The following HDAC9 variants were observed in gnomAD, a reference collection of about 807,000 sequenced individuals.
The protein encoded by HDAC9 is MEF-2 interacting transcription repressor (MITR) protein.
In HDAC9, 41 loss-of-function variants were observed where a neutral mutation model predicts 139.4. The ratio of observed to expected loss-of-function variants is 0.29; its 90% CI spans 0.23 to 0.38. The LOEUF (loss-of-function observed/expected upper bound fraction) is 0.38, where lower values mean the gene tolerates loss of function less well. HDAC9 is among the 10% of genes least tolerant of loss of function. The probability of loss-of-function intolerance (pLI) is 1.00; values close to 1 mark genes in which losing one functional copy is unlikely to be tolerated. For synonymous variants in HDAC9, 517 were observed against 476.2 expected, an observed-to-expected ratio of 1.09 and a Z score of -1.12; for missense variants, 1,147 against 1,297.0, an observed-to-expected ratio of 0.88 and a Z score of 1.78.
At chr7:18,138,447 G>T (rs1175279260) in intron 1 of HDAC9, among the ~76,000 whole-genome samples, 1 of 152,048 alleles carries the variant, frequency 6.6e-6, no homozygotes, top group East Asian at 1.9e-4. Flanking sequence ...TGGAGGGAGT[G>T]TGGAATAGAG....
chr7:18,517,251 C>T (rs907832936), intron 2 of HDAC9, among the ~76,000 whole-genome samples: 4 of 152,148 alleles, frequency 2.6e-5, no homozygotes, highest in Non-Finnish European at 4.4e-5. Flanking sequence ...TTGTGACTGC[C>T]TCATTTCACG....
At chr7:18,983,941 C>T (rs1785123183) in intron 25 of HDAC9, among the ~76,000 whole-genome samples, 1 of 152,050 alleles carries the variant, frequency 6.6e-6, no homozygotes, top group South Asian at 2.1e-4. Flanking sequence ...TATTGGCCTT[C>T]CCATTCTTTT....
chr7:18,676,863 A>C (rs1333692202), intron 12 of HDAC9, among the ~76,000 whole-genome samples: 2 of 151,922 alleles, frequency 1.3e-5, no homozygotes, highest in African/African-American at 4.8e-5. Flanking sequence ...TAGGGATTAA[A>C]AAAATTCTAA....
At chr7:18,232,810 A>C (rs1248303768) in intron 2 of HDAC9, among the ~76,000 whole-genome samples, 1 of 152,208 alleles carries the variant, frequency 6.6e-6, no homozygotes, top group African/African-American at 2.4e-5. Context: ...ATTCATGTTT[A>C]CTGCATAACA....
At chr7:18,673,189 A>G (rs943374983) in intron 12 of HDAC9, among the ~76,000 whole-genome samples, 19 of 152,008 alleles carry the variant, frequency 1.2e-4, no homozygotes, top group African/African-American at 3.9e-4. Flanking sequence ...TTAGGGCAGG[A>G]GGATTGTTGA....
chr7:18,534,558 A>G lies in HDAC9; in HGVS notation c.22+38234A>G, dbSNP rs74509766. Among the ~76,000 whole-genome samples, 120 of 152,114 alleles carry G rather than the reference A, an allele frequency of 7.9e-4. 1 individual carries two copies. The East Asian group carries it at 0.022, about 28-fold the overall frequency. On this transcript the variant is annotated intron_variant, in intron 2 of 25. Coordinates refer to ENST00000686413, the MANE Select transcript of HDAC9 (RefSeq NM_178425.4). ...TAAGACCTTGTCTAAAAAAAAATTT[A>G]GAGAGAGAGAGAAAAAGAGAGAATC...
chr7:18,594,492 A>G (rs972535843), intron 6 of HDAC9, among the ~76,000 whole-genome samples: 2 of 152,096 alleles, frequency 1.3e-5, no homozygotes, highest in African/African-American at 4.8e-5. Flanking sequence ...GAAAGCAGGT[A>G]AGGCCAAAGC....
At chr7:18,238,968 G>T (rs779745226) in intron 2 of HDAC9, among the ~76,000 whole-genome samples, 19 of 152,142 alleles carry the variant, frequency 1.2e-4, no homozygotes, top group Admixed American at 3.9e-4. Context: ...ATGTTTACAA[G>T]TTGTTTTCCC....
At chr7:18,945,537 T>A (rs1450740197) in intron 23 of HDAC9, among the ~76,000 whole-genome samples, 1 of 152,238 alleles carries the variant, frequency 6.6e-6, no homozygotes, top group East Asian at 1.9e-4. Context: ...CTTTTTGTAA[T>A]CTGTTTAAGT....
At chr7:18,841,121 T>C (rs1314406811) in intron 21 of HDAC9, among the ~76,000 whole-genome samples, 1 of 152,104 alleles carries the variant, frequency 6.6e-6, no homozygotes, top group Non-Finnish European at 1.5e-5. Context: ...CTCATTCTTA[T>C]TTTATAAAAT....
chr7:18,811,164 A>G (rs1456612472), intron 17 of HDAC9, among the ~76,000 whole-genome samples: 1 of 151,814 alleles, frequency 6.6e-6, no homozygotes, highest in African/African-American at 2.4e-5. Context: ...CAGTCTGGCT[A>G]GAGGTTTATC....
At chr7:18,397,344 A>G (rs1787156154) in intron 1 of HDAC9, among the ~76,000 whole-genome samples, 1 of 152,180 alleles carries the variant, frequency 6.6e-6, no homozygotes, top group Admixed American at 6.5e-5. Context: ...GAATGCACTG[A>G]GAGGCATCAA....
At chr7:18,613,587 G>A (rs1411299340) in intron 6 of HDAC9, among the ~76,000 whole-genome samples, 3 of 152,080 alleles carry the variant, frequency 2.0e-5, no homozygotes, top group Non-Finnish European at 4.4e-5. Flanking sequence ...TTACTACTAT[G>A]TGTTGTGGCT....
intron 13 of HDAC9, among the ~76,000 whole-genome samples, chr7:18,739,953 T>C (rs561689888): frequency 2.0e-5 from 3 of 152,280 alleles, no homozygotes; most frequent in African/African-American, 7.2e-5. Context: ...TGCTTTGTTT[T>C]AGCTACTCAA....
At chr7:18,282,051 A>ATTTC (rs1371477905) in intron 2 of HDAC9, among the ~76,000 whole-genome samples, 1 of 152,182 alleles carries the variant, frequency 6.6e-6, no homozygotes, top group Non-Finnish European at 1.5e-5. Flanking sequence ...CGTTTAGAAA[A>ATTTC]AGGGCCTGAA....
chr7:18,924,247 G>C (rs1341104523), intron 22 of HDAC9, among the ~76,000 whole-genome samples: 2 of 151,696 alleles, frequency 1.3e-5, no homozygotes, highest in Admixed American at 6.6e-5. Context: ...TCTATTAAAT[G>C]GTGATTTATT....
intron 25 of HDAC9, among the ~76,000 whole-genome samples, chr7:18,976,244 G>A (rs1460753245): frequency 6.6e-6 from 1 of 152,202 alleles, no homozygotes; most frequent in African/African-American, 2.4e-5. Context: ...AGTGCAGATC[G>A]TTATGGAAAG....
chr7:18,585,834 G>C (rs990534940), intron 3 of HDAC9, among the ~76,000 whole-genome samples: 1 of 151,970 alleles, frequency 6.6e-6, no homozygotes, highest in East Asian at 1.9e-4. Context: ...TCTCCACCAA[G>C]AAGAAGCATG....
At chr7:18,448,942 C>T (rs1792546192) in intron 1 of HDAC9, among the ~76,000 whole-genome samples, 2 of 152,140 alleles carry the variant, frequency 1.3e-5, no homozygotes, top group South Asian at 4.1e-4. Context: ...GAATAATTTG[C>T]ATGTCAGAGG....
Sources: gnomAD v4.1 joint callset for allele counts (sites outside exome capture counted in the v4.1 genomes callset) on GRCh38, gnomAD v4.1.1 for gene constraint, MANE v1.5 for transcripts, NCBI Gene and HGNC (gene_info 2026-07-23, HGNC 2026-07-21) for gene names.